Variants in PCDH15 observed in about 807,000 individuals in gnomAD.
PCDH15 encodes protocadherin-15.
Under a neutral mutation model 178.5 loss-of-function variants are expected in PCDH15, and 129 were observed. The ratio of observed to expected loss-of-function variants is 0.72; its 90% CI spans 0.63 to 0.84. The LOEUF (loss-of-function observed/expected upper bound fraction) is 0.84. Among genes scored for constraint, PCDH15 ranks in the 40% least tolerant of loss-of-function variants. PCDH15 has a pLI of 0.00. For synonymous variants in PCDH15, 800 were observed against 732.0 expected, an observed-to-expected ratio of 1.09 and a Z score of -1.50; for missense variants, 2,230 against 2,099.9, an observed-to-expected ratio of 1.06 and a Z score of -1.21.
chr10:55,477,549 T>C (rs970863329), intron 2 of PCDH15, among the ~76,000 whole-genome samples: 5 of 151,966 alleles, frequency 3.3e-5, no homozygotes, highest in Admixed American at 6.6e-5. Context: ...AATTCATTGG[T>C]AGCTTCTATC....
chr10:55,058,537 CCACTTAT>C (rs1247015793), intron 2 of PCDH15, among the ~76,000 whole-genome samples: 3 of 152,024 alleles, frequency 2.0e-5, no homozygotes, highest in African/African-American at 7.2e-5. Flanking sequence ...TTGCAAACAT[CCACTTAT>C]CACTCTCCCT....
intron 15 of PCDH15, among the ~76,000 whole-genome samples, chr10:54,124,479 T>C (rs1245768472): frequency 6.6e-6 from 1 of 152,190 alleles, no homozygotes; most frequent in Non-Finnish European, 1.5e-5. Context: ...AGTATCGTGT[T>C]CCATATTTTT....
chr10:54,258,774 G>A (rs1182229653), intron 8 of PCDH15, among the ~76,000 whole-genome samples: 2 of 151,998 alleles, frequency 1.3e-5, no homozygotes, highest in African/African-American at 2.4e-5. Context: ...TTCAATAACT[G>A]TAATCATCGT....
In PCDH15 at chr10:54,190,621, G is replaced by A. The variant is rs1318741192; in HGVS notation, c.1305+5062C>T. Among the ~76,000 whole-genome samples the A allele has an allele frequency of 2.6e-5, 4 of 152,098 alleles. No individual in the cohort carries two copies. The East Asian group carries it at 7.7e-4, about 29-fold the overall frequency. On this transcript the variant is annotated intron_variant, in intron 11 of 37. Transcript: ENST00000644397. ...GCATCTCCATATGTAGCCAAGGCTGGTCTGGAACTCCTGGCCTCAAGCCAT... is the reference window on the plus strand; with the variant it reads ...GCATCTCCATATGTAGCCAAGGCTGATCTGGAACTCCTGGCCTCAAGCCAT...
At chr10:54,773,091 C>T (rs1426389096) in intron 1 of PCDH15, among the ~76,000 whole-genome samples, 1 of 151,292 alleles carries the variant, frequency 6.6e-6, no homozygotes, top group African/African-American at 2.4e-5. Flanking sequence ...ATACTGGGGC[C>T]TGTCCAAGGG....
intron 3 of PCDH15, among the ~76,000 whole-genome samples, chr10:54,818,281 T>A (rs1251326426): frequency 1.3e-5 from 2 of 152,076 alleles, no homozygotes; most frequent in East Asian, 3.9e-4. Context: ...GAGTAATTAT[T>A]AGGGCATATT....
intron 25 of PCDH15, among the ~76,000 whole-genome samples, chr10:53,924,158 C>T (rs917579274): frequency 1.3e-5 from 2 of 152,200 alleles, no homozygotes; most frequent in Admixed American, 6.5e-5. Flanking sequence ...AGCCAGCTCC[C>T]TCTGCTTGCG....
At chr10:54,440,294 T>G (rs1279072464) in intron 3 of PCDH15, among the ~76,000 whole-genome samples, 3 of 152,022 alleles carry the variant, frequency 2.0e-5, no homozygotes, top group Non-Finnish European at 4.4e-5. Flanking sequence ...AGGTGGCTTT[T>G]GGGCAGAAGG....
intron 1 of PCDH15, among the ~76,000 whole-genome samples, chr10:55,177,792 G>A (rs538569037): frequency 6.6e-6 from 1 of 152,136 alleles, no homozygotes; most frequent in South Asian, 2.1e-4. Flanking sequence ...ACAGATAGTA[G>A]TACAAATCTA....
chr10:54,979,856 G>T (rs1270914847), intron 2 of PCDH15, among the ~76,000 whole-genome samples: 1 of 114,412 alleles, frequency 8.7e-6, no homozygotes, highest in African/African-American at 3.9e-5. Flanking sequence ...AACATAAAAA[G>T]ATTTTAAATA....
chr10:54,067,327 A>G (rs1422367006), intron 17 of PCDH15, among the ~76,000 whole-genome samples: 3 of 152,186 alleles, frequency 2.0e-5, no homozygotes, highest in Non-Finnish European at 1.5e-5. Flanking sequence ...ACATCAAATG[A>G]GCATTTTCTG....
chr10:54,404,630 A>G (rs1952388429), intron 3 of PCDH15, among the ~76,000 whole-genome samples: 2 of 152,184 alleles, frequency 1.3e-5, no homozygotes, highest in African/African-American at 2.4e-5. Flanking sequence ...CAACTGCAAC[A>G]AAAGTAGAAT....
At chr10:55,182,644 A>G (rs759214432) in intron 1 of PCDH15, among the ~76,000 whole-genome samples, 8 of 152,170 alleles carry the variant, frequency 5.3e-5, no homozygotes, top group East Asian at 1.9e-4. Flanking sequence ...TAAGTAATAC[A>G]TAAGTACAGA....
At chr10:54,873,603 T>G (rs1020982393) in intron 3 of PCDH15, among the ~76,000 whole-genome samples, 3 of 147,060 alleles carry the variant, frequency 2.0e-5, no homozygotes, top group African/African-American at 2.5e-5. Flanking sequence ...CTCTAGTTGC[T>G]TCTACAAGGT....
chr10:54,870,727 A>G (rs1342316279), intron 3 of PCDH15, among the ~76,000 whole-genome samples: 2 of 152,048 alleles, frequency 1.3e-5, no homozygotes, highest in African/African-American at 4.8e-5. Flanking sequence ...CGGAGCTTGC[A>G]GTGAGCCGAG....
chr10:53,809,076 G>A (rs775518290), intron 37 of PCDH15: 14 of 1,613,572 alleles, frequency 8.7e-6, no homozygotes, highest in African/African-American at 2.7e-5. Flanking sequence ...CAAGCACAAT[G>A]TTTTTCCTTG....
In PCDH15 at chr10:53,822,793, G is replaced by A. The variant is rs61862392; in HGVS notation, c.4368-2563C>T. 7.6e-5 allele frequency: 122 copies of A among 1,614,000 alleles called. No homozygotes were observed. Among genetic ancestry groups the A allele is most frequent in the Non-Finnish European group, 1.0e-4 (119 of 1,179,974 alleles). ...AACTGTTCTGTTCCTTCTATCATCA[G>A]TGTTTCACCTTGCCTTATTTCCTCT... On this transcript the variant is annotated intron_variant, in intron 32 of 37. Transcript: ENST00000644397.
intron 18 of PCDH15, among the ~76,000 whole-genome samples, chr10:54,056,809 G>A (rs962489946): frequency 6.6e-5 from 10 of 151,984 alleles, no homozygotes; most frequent in East Asian, 1.9e-4. Flanking sequence ...AGTTCCTTCC[G>A]TCTATGAGCC....
intron 2 of PCDH15, among the ~76,000 whole-genome samples, chr10:55,112,416 G>C (rs1021702931): frequency 6.6e-6 from 1 of 152,082 alleles, no homozygotes; most frequent in Non-Finnish European, 1.5e-5. Context: ...AGCGAAGCAG[G>C]AAAATAGGAA....
Sources: allele counts gnomAD v4.1 joint callset (sites outside exome capture counted in the v4.1 genomes callset), GRCh38; gene constraint gnomAD v4.1.1; transcripts MANE v1.5; gene names NCBI Gene and HGNC (gene_info 2026-07-23, HGNC 2026-07-21).